The following DNAH6 variants were observed in gnomAD, a reference collection of about 807,000 sequenced individuals.
DNAH6 encodes the protein dynein axonemal heavy chain 6, also known as axonemal beta dynein heavy chain 6.
A neutral mutation model predicts 491.4 loss-of-function variants in DNAH6; 340 were observed. The observed-to-expected ratio is 0.69, with a 90% CI of 0.63 to 0.76. DNAH6 has a LOEUF of 0.76. DNAH6 is among the 30% of genes least tolerant of loss of function. The pLI, the probability that DNAH6 is intolerant of heterozygous loss-of-function variation, is 0.00. For synonymous variants in DNAH6, 1,603 were observed against 1,686.1 expected (o/e 0.95, Z 1.21); for missense variants, 4,443 against 4,972.2 (o/e 0.89, Z 3.20).
At chr2:84,547,730 C>T in intron 7 of DNAH6, 118 bp downstream of exon 7, 3 of 1,053,356 alleles carry the variant, frequency 2.8e-6, no homozygotes, top group Non-Finnish European at 4.0e-6. Context: ...TTGTTCCAAA[C>T]ATTTGATGGA....
chr2:84,819,469 A>T lies in DNAH6; in HGVS notation c.*61A>T. 1 of 1,110,126 alleles carries T rather than the reference A, an allele frequency of 9.0e-7. No individual in the cohort carries two copies. Among genetic ancestry groups the T allele is most frequent in the East Asian group, 2.6e-5 (1 of 38,432 alleles). The allele number at this position is 1,110,126 out of a possible 1,614,324, so 68.8% of individuals were successfully genotyped here. Reference sequence around the variant, plus strand: ...CAGAGATCTTTCCTAATGGGAGCAAAAGGTTTGAATAATTTATATGTGAGC... The same window carrying T: ...CAGAGATCTTTCCTAATGGGAGCAATAGGTTTGAATAATTTATATGTGAGC... On this transcript the variant is annotated 3_prime_UTR_variant, in exon 77 of 77. Transcript: ENST00000389394.
At chr2:84,657,993 A>T (rs1478279903) in intron 35 of DNAH6, among the ~76,000 whole-genome samples, 1 of 152,004 alleles carries the variant, frequency 6.6e-6, no homozygotes, top group African/African-American at 2.4e-5. Flanking sequence ...ATCAGTATAG[A>T]AGAGTGCATG....
intron 62 of DNAH6, among the ~76,000 whole-genome samples, chr2:84,742,002 C>G (rs1426001713): frequency 1.3e-5 from 2 of 152,242 alleles, no homozygotes; most frequent in Admixed American, 1.3e-4. Context: ...CGCAAGCTAA[C>G]TTGAACCCTC....
At position 84,694,440 on chromosome 2, in the gene DNAH6, T is replaced by A; in HGVS notation, c.7484T>A (p.Val2495Glu). The change falls in exon 46 of 77, where the codon GTA becomes GAA. Residue 2495 changes from valine (V) to glutamate (E), a missense_variant. By Grantham distance (121) the Val-to-Glu change is moderately radical. Coordinates refer to ENST00000389394, the MANE Select transcript of DNAH6 (RefSeq NM_001370.2). ...DLRKLYKMAG[V>E]EDKNMVFLFT... ...AGGAAGTTGTACAAAATGGCTGGTG[T>A]AGAAGACAAGAATATGGTTTTCCTT... 6.4e-7 allele frequency: 1 copy of A among 1,552,002 alleles called. No individual in the cohort carries two copies. The highest frequency in any genetic ancestry group is 2.0e-5 in the Admixed American group (1 of 51,016).
chr2:84,669,146 A>G (rs560923290), intron 37 of DNAH6, 143 bp from the exon 38 acceptor site: 1 of 645,206 alleles, frequency 1.5e-6, no homozygotes, highest in African/African-American at 1.8e-5. Context: ...AGATACCTAA[A>G]TAACTATGTA....
the DNAH6 span, among the ~76,000 whole-genome samples, chr2:84,500,925 G>T: frequency 1.2e-4 from 19 of 152,124 alleles, no homozygotes; most frequent in South Asian, 8.3e-4. Flanking sequence ...TAGTTTTTTT[G>T]TGGAGTCTTT....
chr2:84,742,596 G>C (rs777504114), intron 62 of DNAH6, among the ~76,000 whole-genome samples: 5 of 152,232 alleles, frequency 3.3e-5, no homozygotes, highest in African/African-American at 4.8e-5. Context: ...AAGAAACTCT[G>C]ATCTGTTTGG....
intron 41 of DNAH6, among the ~76,000 whole-genome samples, chr2:84,677,630 C>T (rs1457615617): frequency 1.3e-5 from 2 of 152,198 alleles, no homozygotes; most frequent in African/African-American, 4.8e-5. Context: ...TCCATCTGTA[C>T]TCACTTCCCT....
At chr2:84,806,543 C>T (rs1261852557) in intron 71 of DNAH6, among the ~76,000 whole-genome samples, 2 of 142,644 alleles carry the variant, frequency 1.4e-5, no homozygotes, top group African/African-American at 2.7e-5. Flanking sequence ...GGTGTGAACC[C>T]GGGAGGCGGA....
intron 21 of DNAH6, among the ~76,000 whole-genome samples, chr2:84,611,126 G>C (rs1686284566): frequency 7.3e-6 from 1 of 137,512 alleles, no homozygotes; most frequent in Non-Finnish European, 1.5e-5. Context: ...GTGTATTTCT[G>C]ATTTATTTTA....
chr2:84,464,967 C>G, the DNAH6 span, among the ~76,000 whole-genome samples: 1 of 152,048 alleles, frequency 6.6e-6, no homozygotes, highest in Non-Finnish European at 1.5e-5. Flanking sequence ...GACATTTCCC[C>G]CCTCCCTTTT....
chr2:84,759,046 A>C (rs1224219724), intron 63 of DNAH6, among the ~76,000 whole-genome samples: 1 of 152,218 alleles, frequency 6.6e-6, no homozygotes, highest in African/African-American at 2.4e-5. Context: ...TATCCAAAAA[A>C]TAAAATTTAA....
At chr2:84,506,650 A>G in the DNAH6 span, among the ~76,000 whole-genome samples, 3 of 152,048 alleles carry the variant, frequency 2.0e-5, no homozygotes, top group African/African-American at 7.3e-5. Flanking sequence ...GCCCATGCCT[A>G]TGTCCTGAAT....
At chr2:84,615,075 C>T (rs755616042) in intron 22 of DNAH6, among the ~76,000 whole-genome samples, 2 of 151,808 alleles carry the variant, frequency 1.3e-5, no homozygotes, top group African/African-American at 2.4e-5. Flanking sequence ...GAGTTTTGGT[C>T]GCATTTGCCT....
intron 60 of DNAH6, 134 bp downstream of exon 60, chr2:84,722,938 G>T: frequency 1.7e-6 from 1 of 589,772 alleles, no homozygotes; most frequent in African/African-American, 1.9e-5. Context: ...AGGTTCAAGA[G>T]TGGTTCCAGC....
intron 64 of DNAH6, 131 bp downstream of exon 64, chr2:84,763,076 GAT>G: frequency 1.4e-6 from 1 of 689,684 alleles, no homozygotes; most frequent in South Asian, 2.0e-5. Context: ...ATAAATTTAA[GAT>G]ATGTTAATAG....
At chr2:84,468,802 T>C in the DNAH6 span, among the ~76,000 whole-genome samples, 48 of 152,322 alleles carry the variant, frequency 3.2e-4, no homozygotes, top group African/African-American at 1.2e-3. Flanking sequence ...TTAATATGAT[T>C]TTTTAGAGCT....
At chr2:84,701,970 C>T (rs1018502543) in intron 49 of DNAH6, among the ~76,000 whole-genome samples, 1 of 152,202 alleles carries the variant, frequency 6.6e-6, no homozygotes, top group African/African-American at 2.4e-5. Context: ...TATTTTCCTT[C>T]TGCCATTTAT....
At chr2:84,712,974 C>A in intron 56 of DNAH6, 121 bp from the exon 57 acceptor site, 1 of 805,806 alleles carries the variant, frequency 1.2e-6, no homozygotes, top group Non-Finnish European at 1.9e-6. Flanking sequence ...AAATATCCAT[C>A]AGATCACTGG....
Sources: allele counts gnomAD v4.1 joint callset (sites outside exome capture counted in the v4.1 genomes callset), GRCh38; gene constraint gnomAD v4.1.1; transcripts MANE v1.5; gene names NCBI Gene and HGNC (gene_info 2026-07-23, HGNC 2026-07-21).